KCNK9: variants seen among roughly 807,000 people sequenced by gnomAD.
KCNK9 encodes potassium two pore domain channel subfamily K member 9, also known as potassium channel subfamily K member 9.
KCNK9 carries 1 observed loss-of-function variant against 10.8 expected under a neutral mutation model. The ratio of observed to expected loss-of-function variants is 0.09; its 90% CI spans 0.03 to 0.44. The LOEUF (loss-of-function observed/expected upper bound fraction) is 0.44, where lower values mean the gene tolerates loss of function less well. KCNK9 is among the 20% of genes least tolerant of loss of function. The pLI is 0.97. For missense variants in KCNK9, 303 were observed against 515.0 expected (o/e 0.59, Z 3.98); for synonymous variants, 231 against 222.7 (o/e 1.04, Z -0.33).
At chr8:139,699,269 CT>C (rs1165886674) in intron 1 of KCNK9, among the ~76,000 whole-genome samples, 4 of 152,132 alleles carry the variant, frequency 2.6e-5, no homozygotes, top group Non-Finnish European at 4.4e-5. Context: ...GCTAAAGCGC[CT>C]GCTGAAGGAA....
intron 1 of KCNK9, among the ~76,000 whole-genome samples, chr8:139,662,875 G>A (rs2319422): frequency 5.1e-4 from 25 of 49,248 alleles, no homozygotes; most frequent in Middle Eastern, 0.01. Context: ...GTGGGGGAAG[G>A]GGGGGGGGCT....
chr8:139,637,369 A>G (rs1815368823), intron 1 of KCNK9, among the ~76,000 whole-genome samples: 1 of 152,240 alleles, frequency 6.6e-6, no homozygotes, highest in African/African-American at 2.4e-5. Context: ...CACTAAAAGA[A>G]CCATGTCTGA....
At chr8:139,697,533 G>A (rs1817092748) in intron 1 of KCNK9, among the ~76,000 whole-genome samples, 1 of 152,156 alleles carries the variant, frequency 6.6e-6, no homozygotes, top group Admixed American at 6.5e-5. Flanking sequence ...AGGACTAAGT[G>A]AGTACATTGT....
chr8:139,621,531 C>T (rs780343310), intron 1 of KCNK9, among the ~76,000 whole-genome samples: 13 of 152,272 alleles, frequency 8.5e-5, no homozygotes, highest in East Asian at 1.9e-4. Context: ...AGTGGAAGCA[C>T]GGCTGTAAAG....
intron 1 of KCNK9, among the ~76,000 whole-genome samples, chr8:139,664,339 A>G (rs1816243074): frequency 6.6e-6 from 1 of 152,132 alleles, no homozygotes; most frequent in South Asian, 2.1e-4. Context: ...CTGCTGGTCC[A>G]GGGAGCTGCT....
At chr8:139,627,981 T>G (rs778728003) in intron 1 of KCNK9, among the ~76,000 whole-genome samples, 5 of 152,246 alleles carry the variant, frequency 3.3e-5, no homozygotes, top group Non-Finnish European at 7.3e-5. Context: ...GCCGAAAATA[T>G]GGATTTTTAA....
At chr8:139,673,338 T>G (rs1205261653) in intron 1 of KCNK9, among the ~76,000 whole-genome samples, 1 of 152,116 alleles carries the variant, frequency 6.6e-6, no homozygotes, top group African/African-American at 2.4e-5. Flanking sequence ...GAGTTTAAAT[T>G]AGGGGATTGT....
chr8:139,658,308 G>A (rs1302336430), intron 1 of KCNK9, among the ~76,000 whole-genome samples: 1 of 152,116 alleles, frequency 6.6e-6, no homozygotes, highest in Non-Finnish European at 1.5e-5. Flanking sequence ...GTCATGGGGG[G>A]ACAACCACTG....
intron 1 of KCNK9, among the ~76,000 whole-genome samples, chr8:139,691,366 C>T (rs1017584905): frequency 1.3e-5 from 2 of 152,214 alleles, no homozygotes; most frequent in South Asian, 2.1e-4. Flanking sequence ...AGGAAAACAT[C>T]CTGAAATAGT....
chr8:139,632,664 T>C (rs1399097840), intron 1 of KCNK9, among the ~76,000 whole-genome samples: 2 of 152,166 alleles, frequency 1.3e-5, no homozygotes, highest in Non-Finnish European at 2.9e-5. Flanking sequence ...TCTCTCTCCC[T>C]GCTCCCATTC....
chr8:139,699,635 C>CG (rs1563756757), intron 1 of KCNK9, among the ~76,000 whole-genome samples: 1 of 152,146 alleles, frequency 6.6e-6, no homozygotes, highest in Admixed American at 6.5e-5. Flanking sequence ...TTGCCCTTTG[C>CG]GGGGCCCAGC....
chr8:139,630,346 G>A (rs987789771), intron 1 of KCNK9, among the ~76,000 whole-genome samples: 2 of 152,160 alleles, frequency 1.3e-5, no homozygotes, highest in Admixed American at 1.3e-4. Flanking sequence ...CTGCTCGCAG[G>A]GGCTTGCTAC....
At chr8:139,623,716 G>A (rs1156269818) in intron 1 of KCNK9, among the ~76,000 whole-genome samples, 4 of 152,138 alleles carry the variant, frequency 2.6e-5, no homozygotes, top group Admixed American at 1.3e-4. Context: ...GGACCACAGA[G>A]GTGGCAGAAT....
At chr8:139,671,019 G>C (rs984616935) in intron 1 of KCNK9, among the ~76,000 whole-genome samples, 8 of 152,208 alleles carry the variant, frequency 5.3e-5, no homozygotes, top group African/African-American at 1.9e-4. Context: ...ACCTCGCTCT[G>C]TTCTACATCC....
intron 1 of KCNK9, among the ~76,000 whole-genome samples, chr8:139,638,869 G>A (rs1293412605): frequency 4.6e-5 from 7 of 152,170 alleles, no homozygotes; most frequent in African/African-American, 7.2e-5. Context: ...AGCTGAGAAC[G>A]CAGGAGGCCT....
chr8:139,642,526 G>A (rs1815534128), intron 1 of KCNK9, among the ~76,000 whole-genome samples: 1 of 152,264 alleles, frequency 6.6e-6, no homozygotes, highest in Admixed American at 6.5e-5. Context: ...CCTGGAGGCT[G>A]CCCGCAGGAA....
intron 1 of KCNK9, among the ~76,000 whole-genome samples, chr8:139,661,594 C>T (rs1816152723): frequency 6.6e-6 from 1 of 152,148 alleles, no homozygotes; most frequent in African/African-American, 2.4e-5. Context: ...GCGAGGTATC[C>T]TGAGCGCCCC....
At chr8:139,699,531 TAA>T (rs1431257620) in intron 1 of KCNK9, among the ~76,000 whole-genome samples, 1 of 152,172 alleles carries the variant, frequency 6.6e-6, no homozygotes, top group Non-Finnish European at 1.5e-5. Context: ...GAACTAAACA[TAA>T]TCTCCGCAGA....
intron 1 of KCNK9, among the ~76,000 whole-genome samples, chr8:139,639,822 T>A (rs1815447593): frequency 6.6e-6 from 1 of 152,312 alleles, no homozygotes; most frequent in Non-Finnish European, 1.5e-5. Flanking sequence ...TGCAGGGGCA[T>A]GCGCCAGCCC....
Sources: allele counts gnomAD v4.1 joint callset (sites outside exome capture counted in the v4.1 genomes callset), GRCh38; gene constraint gnomAD v4.1.1; transcripts MANE v1.5; gene names NCBI Gene and HGNC (gene_info 2026-07-23, HGNC 2026-07-21).